The following DPP9 variants were observed in gnomAD, a reference collection of about 807,000 sequenced individuals.
DPP9 encodes dipeptidyl peptidase 9, also known as dipeptidyl peptidase IV-related protein-2.
DPP9 carries 50 observed loss-of-function variants against 110.7 expected under a neutral mutation model. That is an observed-to-expected ratio of 0.45 (90% CI 0.36 to 0.57). The LOEUF (loss-of-function observed/expected upper bound fraction) is 0.57. DPP9 is among the 20% of genes least tolerant of loss of function. The probability of loss-of-function intolerance (pLI) is 0.00; values close to 1 mark genes in which losing one functional copy is unlikely to be tolerated. For synonymous variants in DPP9, 561 were observed against 514.4 expected, an observed-to-expected ratio of 1.09 and a Z score of -1.23; for missense variants, 1,022 against 1,217.9, an observed-to-expected ratio of 0.84 and a Z score of 2.39.
chr19:4,688,846 G>C lies in DPP9; in HGVS notation c.1796C>G (p.Pro599Arg). 1.3e-6 allele frequency: 2 copies of C among 1,515,454 alleles called. No individual in the cohort carries two copies. Among genetic ancestry groups the C allele is most frequent in the Non-Finnish European group, 8.7e-7 (1 of 1,145,630 alleles). 93.9% of individuals were successfully genotyped at this position (1,515,454 alleles called of 1,614,324 possible). ...VSHYSSVSTPPCVHVYKLSGP... is the reference protein window; with the variant it reads ...VSHYSSVSTPRCVHVYKLSGP... ...GCTCAGCTTGTAGACGTGCACGCAG[G>C]GCGGCGTGCTCACGCTGCTGTAGTG... is the stretch of plus-strand genomic sequence containing the variant. Residue 599 changes from proline to arginine, a missense_variant, in exon 16 of 22, where the codon CCC becomes CGC. Physicochemically the swap from Pro to Arg is moderately radical, Grantham distance 103. Coordinates refer to ENST00000262960, the MANE Select transcript of DPP9 (RefSeq NM_139159.5).
intron 20 of DPP9, among the ~76,000 whole-genome samples, chr19:4,681,352 G>A (rs2089848166): frequency 6.6e-6 from 1 of 152,134 alleles, no homozygotes; most frequent in Non-Finnish European, 1.5e-5. Flanking sequence ...GTCTCGCTCT[G>A]TTGCCCAGGC....
At chr19:4,722,356 C>G in intron 2 of DPP9, 143 bp downstream of exon 2, 1 of 580,946 alleles carries the variant, frequency 1.7e-6, no homozygotes, top group Non-Finnish European at 3.1e-6. Flanking sequence ...GCACAAAAAA[C>G]TGCAGCCACT....
rs964109246 is a variant in DPP9 at position 4,698,068 on chromosome 19, G to A, written c.1075-417C>T. 2.0e-5 allele frequency among the ~76,000 whole-genome samples: 3 copies of A among 149,912 alleles called. No homozygotes were observed. The highest frequency in any genetic ancestry group is 7.3e-5 in the African/African-American group (3 of 41,334). On this transcript the variant is annotated intron_variant, in intron 10 of 21. Transcript: ENST00000262960. This position sits in a 1 kb window ranked among gnomAD's most constrained non-coding sequence, Gnocchi z 4.2. ...GTCCTTTGTCATGGCCCAAACAAAT[G>A]ACTACACCCAACAGGGGCAGGTGGG...
rs1350895639 is a variant in DPP9 at position 4,700,305 on chromosome 19, C to G, written c.1013-28G>C. The G allele has an allele frequency of 6.3e-7, 1 of 1,584,772 alleles. No homozygotes were observed. The highest frequency in any genetic ancestry group is 1.1e-5 in the South Asian group (1 of 87,900). Reference sequence around the variant, plus strand: ...GCAAAAACCGAAGTGAGGTGAACACCAGGCAGGCATCACCCGTGTGTGCCG... The same window carrying G: ...GCAAAAACCGAAGTGAGGTGAACACGAGGCAGGCATCACCCGTGTGTGCCG... On this transcript the variant is annotated intron_variant, in intron 9 of 21. Transcript: ENST00000262960. This position sits in a 1 kb window ranked among gnomAD's most constrained non-coding sequence, Gnocchi z 4.3.
chr19:4,704,172 T>C lies in DPP9; in HGVS notation c.559A>G (p.Ser187Gly). Residue 187 changes from serine (S) to glycine (G), a missense_variant, in exon 6 of 22, where the codon AGC becomes GGC. By Grantham distance (56) the Ser-to-Gly change is moderately conservative. This residue lies in a region of DPP9 where 810 missense variants were observed against 920.6 expected (regional missense o/e 0.88). Transcript: ENST00000262960. This position sits in a 1 kb window ranked among gnomAD's most constrained non-coding sequence, Gnocchi z 6.0. ...SGLFLFQASN[S>G]LFHCRDGGKN... ...CCGCCGTCGCGGCAGTGGAAGAGGC[T>C]GTTGCTGGCCTGGAAGAGGAAGAGG... 6.2e-7 allele frequency: 1 copy of C among 1,613,964 alleles called. No individual in the cohort carries two copies. The highest frequency in any genetic ancestry group is 8.5e-7 in the Non-Finnish European group (1 of 1,179,896).
rs1280713577 is a variant in DPP9, at chr19:4,676,947, C to T, written c.2587-291G>A. Reference sequence around the variant, plus strand: ...ACAGAGGAAAGATTTAGGAAGAAACCGTTTGCCTCTTTCCCCCAAACCGGC... The same window carrying T: ...ACAGAGGAAAGATTTAGGAAGAAACTGTTTGCCTCTTTCCCCCAAACCGGC... On this transcript the variant is annotated intron_variant, in intron 21 of 21. Transcript: ENST00000262960. The surrounding 1 kb of genome is among the most constrained non-coding windows in gnomAD (Gnocchi z 4.0). Among the ~76,000 whole-genome samples the T allele has an allele frequency of 6.6e-6, 1 of 152,168 alleles. No individual in the cohort carries two copies. The highest frequency in any genetic ancestry group is 1.5e-5 in the Non-Finnish European group (1 of 68,026).
Position 4,704,956 on chromosome 19 carries a change from C to T in DPP9, c.427-652G>A, listed in dbSNP as rs1233818783. Among the ~76,000 whole-genome samples the T allele has an allele frequency of 6.6e-6, 1 of 152,062 alleles. No individual in the cohort carries two copies. The highest frequency in any genetic ancestry group is 2.4e-5 in the African/African-American group (1 of 41,396). The stretch of plus-strand genomic sequence containing the variant: ...GAGGTTGCAGTGAGCCGAGATTGCG[C>T]CACTGCACTATAGCCTGAGTGACAG... On this transcript the variant is annotated intron_variant, in intron 5 of 21. Transcript: ENST00000262960. The surrounding 1 kb of genome is among the most constrained non-coding windows in gnomAD (Gnocchi z 6.0).
rs974203128 is a variant in DPP9 at position 4,687,272 on chromosome 19, G to A, written c.1885+1485C>T. ...AATACCCCGCATATGCTGGAAATTC[G>A]TTGTGTTTAGAATGTTCTGGAAACC... is the stretch of plus-strand genomic sequence containing the variant. On this transcript the variant is annotated intron_variant, in intron 16 of 21. Coordinates refer to ENST00000262960, the MANE Select transcript of DPP9 (RefSeq NM_139159.5). The surrounding 1 kb of genome is among the most constrained non-coding windows in gnomAD (Gnocchi z 4.7). Among the ~76,000 whole-genome samples, 5 of 152,182 alleles carry A rather than the reference G, an allele frequency of 3.3e-5. No homozygotes were observed. Among genetic ancestry groups the A allele is most frequent in the African/African-American group, 4.8e-5 (2 of 41,442 alleles).
At position 4,714,398 on chromosome 19, in the gene DPP9, A is replaced by G. The variant is rs560948429; in HGVS notation, c.57-61T>C. 87 of 1,440,460 alleles carry G rather than the reference A, an allele frequency of 6.0e-5. 1 individual carries two copies. In the African/African-American group the frequency reaches 6.3e-4, roughly 10 times the overall value. 89.2% of individuals were successfully genotyped at this position (1,440,460 alleles called of 1,614,324 possible). A position where few individuals can be genotyped will look rare whatever the true frequency, so the allele number is the denominator to read the frequency against. On this transcript the variant is annotated intron_variant, in intron 3 of 21. Transcript: ENST00000262960. ...ACTGTTTTACCTACGAGCTGCCCCA[A>G]TGCTGCCCCTTGCGAGGCACTCAGG... is the stretch of plus-strand genomic sequence containing the variant.
At chr19:4,705,991 C>A in intron 4 of DPP9, 21 bp from the exon 5 acceptor site, 1 of 1,605,110 alleles carries the variant, frequency 6.2e-7, no homozygotes, top group Non-Finnish European at 8.5e-7. Context: ...AAAGGAAACA[C>A]CCAGAACGGG....
intron 3 of DPP9, among the ~76,000 whole-genome samples, chr19:4,715,006 T>TTA (rs1196389729): frequency 1.9e-4 from 28 of 145,870 alleles, no homozygotes; most frequent in East Asian, 7.9e-4. Flanking sequence ...TGATATATGT[T>TTA]TATATATATA....
chr19:4,710,683 T>C lies in DPP9; in HGVS notation c.313+3398A>G, dbSNP rs1211253713. Among the ~76,000 whole-genome samples, 2 of 152,084 alleles carry C rather than the reference T, an allele frequency of 1.3e-5. No homozygotes were observed. The highest frequency in any genetic ancestry group is 2.9e-5 in the Non-Finnish European group (2 of 67,992). On this transcript the variant is annotated intron_variant, in intron 4 of 21. Coordinates refer to ENST00000262960, the MANE Select transcript of DPP9 (RefSeq NM_139159.5). The surrounding 1 kb of genome is among the most constrained non-coding windows in gnomAD (Gnocchi z 5.6). ...AGGCCTGGCCTTGAAGTCTGGACACTGGGCTAGTGCTAAGAAGTGTTATTA... is the reference window on the plus strand; with the variant it reads ...AGGCCTGGCCTTGAAGTCTGGACACCGGGCTAGTGCTAAGAAGTGTTATTA...
intron 7 of DPP9, 21 bp from the exon 8 acceptor site, chr19:4,702,737 C>A: frequency 6.8e-7 from 1 of 1,475,086 alleles, no homozygotes. Flanking sequence ...GGACGGAGAG[C>A]ATCAACAAGG....
chr19:4,716,999 C>T (rs1433707764), intron 3 of DPP9, among the ~76,000 whole-genome samples: 1 of 152,152 alleles, frequency 6.6e-6, no homozygotes, highest in East Asian at 1.9e-4. Flanking sequence ...ACGAAAGGCT[C>T]ATGGGGCGGA....
At chr19:4,697,498 A>G in intron 11 of DPP9, 53 bp downstream of exon 11, 2 of 1,506,112 alleles carry the variant, frequency 1.3e-6, no homozygotes, top group Non-Finnish European at 1.8e-6. Flanking sequence ...GTGGCTGCCC[A>G]GGGCCCAGGG....
At chr19:4,680,470 C>G (rs760804961) in intron 20 of DPP9, among the ~76,000 whole-genome samples, 34 of 151,928 alleles carry the variant, frequency 2.2e-4, no homozygotes, top group Non-Finnish European at 4.0e-4. Context: ...AATCCCAGTA[C>G]TTTGGGAGGC....
chr19:4,706,473 G>A (rs2092591155), intron 4 of DPP9, among the ~76,000 whole-genome samples: 1 of 151,998 alleles, frequency 6.6e-6, no homozygotes, highest in Non-Finnish European at 1.5e-5. Context: ...CAAGGCTTTT[G>A]CAGACGACAA....
In DPP9 at chr19:4,694,070, C is replaced by T. The variant is rs1381839230; in HGVS notation, c.1516+591G>A. Among the ~76,000 whole-genome samples, 1 of 151,066 alleles carries T rather than the reference C, an allele frequency of 6.6e-6. No individual in the cohort carries two copies. Among genetic ancestry groups the T allele is most frequent in the East Asian group, 1.9e-4 (1 of 5,208 alleles). On this transcript the variant is annotated intron_variant, in intron 13 of 21. Coordinates refer to ENST00000262960, the MANE Select transcript of DPP9 (RefSeq NM_139159.5). This position sits in a 1 kb window ranked among gnomAD's most constrained non-coding sequence, Gnocchi z 4.0. ...CGACTGCATTTCCTTCCACCACGCA[C>T]ATCACACCAGAGGCAGCACCTCTAA... is the stretch of plus-strand genomic sequence containing the variant.
chr19:4,683,345 G>T, intron 19 of DPP9, 132 bp downstream of exon 19: 1 of 1,481,300 alleles, frequency 6.8e-7, no homozygotes, highest in Non-Finnish European at 8.9e-7. Context: ...AAACAGCCAC[G>T]TGGCAAGGCC....
Sources: gnomAD v4.1 joint callset for allele counts (sites outside exome capture counted in the v4.1 genomes callset) on GRCh38, gnomAD v4.1.1 for gene constraint, gnomAD v4.1.1 regional missense constraint, Gnocchi (gnomAD v3.1) non-coding constraint, MANE v1.5 for transcripts, NCBI Gene and HGNC (gene_info 2026-07-23, HGNC 2026-07-21) for gene names.